The following FHAD1 variants were observed in gnomAD, a reference collection of about 807,000 sequenced individuals.
The protein encoded by FHAD1 is forkhead associated phosphopeptide binding domain 1, also known as forkhead-associated domain-containing protein 1.
FHAD1 carries 146 observed loss-of-function variants against 191.3 expected under a neutral mutation model. The observed-to-expected ratio is 0.76, with a 90% CI of 0.67 to 0.88. The LOEUF (loss-of-function observed/expected upper bound fraction) is 0.88, where lower values mean the gene tolerates loss of function less well. FHAD1 is among the 40% of genes least tolerant of loss of function. FHAD1 has a pLI of 0.00. For missense variants in FHAD1, 1,635 were observed against 1,785.8 expected, an observed-to-expected ratio of 0.92 and a Z score of 1.52; for synonymous variants, 616 against 672.3, an observed-to-expected ratio of 0.92 and a Z score of 1.29.
In FHAD1 at chr1:15,375,636, A is replaced by C; in HGVS notation, c.3611A>C (p.Asp1204Ala). ...GACCACCAGAATGAATCATTTCTAG[A>C]TTTAAAGAACCTCAGAATGGAAAAC... ...HKDHQNESFL[D>A]LKNLRMENNV... Residue 1204 changes from aspartate to alanine, a missense_variant, in exon 28 of 34, where the codon GAT becomes GCT. By Grantham distance (126) the Asp-to-Ala change is moderately radical. Transcript: ENST00000688493. 6.5e-7 allele frequency: 1 copy of C among 1,543,926 alleles called. No individual in the cohort carries two copies. Among genetic ancestry groups the C allele is most frequent in the South Asian group, 1.2e-5 (1 of 82,338 alleles).
At chr1:15,313,543 A>G (rs1672970855) in intron 8 of FHAD1, among the ~76,000 whole-genome samples, 1 of 152,178 alleles carries the variant, frequency 6.6e-6, no homozygotes, top group South Asian at 2.1e-4. Context: ...CAGCTTGGCT[A>G]TTTCCATGGC....
intron 3 of FHAD1, among the ~76,000 whole-genome samples, chr1:15,280,284 C>T (rs939339961): frequency 6.6e-6 from 1 of 152,170 alleles, no homozygotes; most frequent in African/African-American, 2.4e-5. Context: ...CCATCCCGAT[C>T]GTGTAGTATT....
At chr1:15,252,311 A>G (rs565146168) in intron 2 of FHAD1, among the ~76,000 whole-genome samples, 2 of 152,336 alleles carry the variant, frequency 1.3e-5, no homozygotes, top group African/African-American at 4.8e-5. Flanking sequence ...AGAGAGCAGC[A>G]GCTCAGGGCA....
chr1:15,306,099 C>T (rs113058898), intron 6 of FHAD1, among the ~76,000 whole-genome samples: 3,055 of 152,210 alleles, frequency 0.02, 77 homozygotes, highest in African/African-American at 0.059. Context: ...ATAATAAGGC[C>T]CAGGCTGAGG....
rs185884634 is a variant in FHAD1, at chr1:15,308,490, T to C, written c.916-123T>C. 3.4e-3 allele frequency: 4,579 copies of C among 1,356,514 alleles called. 6 individuals are homozygous for C. The highest frequency in any genetic ancestry group is 3.9e-3 in the Non-Finnish European group (3,909 of 1,007,910). The allele number at this position is 1,356,514 out of a possible 1,614,324, so 84.0% of individuals were successfully genotyped here. On this transcript the variant is annotated intron_variant, in intron 6 of 33. Coordinates refer to ENST00000688493, the MANE Select transcript of FHAD1 (RefSeq NM_001391957.1). Reference sequence around the variant, plus strand: ...CTTCCACTGGTTAAAACTAAAAAGCTTGGTTTCCCCAACACCCCAGCCAAA... The same window carrying C: ...CTTCCACTGGTTAAAACTAAAAAGCCTGGTTTCCCCAACACCCCAGCCAAA...
chr1:15,346,113 C>T (rs1688834557), intron 18 of FHAD1, among the ~76,000 whole-genome samples: 1 of 152,118 alleles, frequency 6.6e-6, no homozygotes, highest in South Asian at 2.1e-4. Flanking sequence ...ACAGGGGCGC[C>T]CGCACCCTGT....
chr1:15,348,680 G>T (rs554358546), intron 18 of FHAD1, among the ~76,000 whole-genome samples: 1 of 152,142 alleles, frequency 6.6e-6, no homozygotes, highest in African/African-American at 2.4e-5. Context: ...GCCTGGCCTC[G>T]TGATAGGAAG....
intron 11 of FHAD1, chr1:15,324,796 G>A (rs575709893): frequency 3.5e-5 from 18 of 511,022 alleles, no homozygotes; most frequent in East Asian, 3.5e-4. Context: ...CCCGAGACCC[G>A]GACCAGGCAG....
At chr1:15,376,057 ATTTATTTATTTATTTATTTATTTT>A (rs1179982041) in intron 28 of FHAD1, among the ~76,000 whole-genome samples, 4 of 79,420 alleles carry the variant, frequency 5.0e-5, no homozygotes, top group Non-Finnish European at 1.0e-4. Flanking sequence ...TTATTTATTT[ATTTATTTATTTATTTATTTATTTT>A]TTTATTTATT....
chr1:15,295,375 G>C (rs1302841381), intron 4 of FHAD1, among the ~76,000 whole-genome samples: 1 of 152,184 alleles, frequency 6.6e-6, no homozygotes, highest in Admixed American at 6.5e-5. Context: ...TTGGGAGGCT[G>C]AGACAGGAGG....
chr1:15,286,494 G>A (rs1662468474), intron 3 of FHAD1, among the ~76,000 whole-genome samples: 1 of 152,092 alleles, frequency 6.6e-6, no homozygotes, highest in South Asian at 2.1e-4. Flanking sequence ...AGAGTGAGAC[G>A]CTGTTTCAAA....
chr1:15,316,534 T>C lies in FHAD1; in HGVS notation c.1260+67T>C. The C allele has an allele frequency of 3.8e-6, 5 of 1,322,578 alleles. No individual in the cohort carries two copies. In the South Asian group the frequency reaches 6.3e-5, roughly 17 times the overall value. 81.9% of individuals were successfully genotyped at this position (1,322,578 alleles called of 1,614,324 possible). A position where few individuals can be genotyped will look rare whatever the true frequency, so the allele number is the denominator to read the frequency against. ...CAGAGTTTGACCTTGAGGTTCTTGG[T>C]GGGATCCTGGGCCATCACTAAGCAT... On this transcript the variant is annotated intron_variant, in intron 9 of 33. Coordinates refer to ENST00000688493, the MANE Select transcript of FHAD1 (RefSeq NM_001391957.1). This position sits in a 1 kb window ranked among gnomAD's most constrained non-coding sequence, Gnocchi z 4.3.
chr1:15,238,165 T>A (rs1644982007), intron 1 of FHAD1, among the ~76,000 whole-genome samples: 1 of 142,492 alleles, frequency 7.0e-6, no homozygotes. Flanking sequence ...GAGAATTGCT[T>A]GAACCCGGGA....
intron 22 of FHAD1, among the ~76,000 whole-genome samples, chr1:15,361,356 C>T (rs1694753800): frequency 6.6e-6 from 1 of 152,172 alleles, no homozygotes; most frequent in African/African-American, 2.4e-5. Context: ...CCATCAGTTG[C>T]CAGTGGCACC....
chr1:15,359,327 G>C (rs1693891457), intron 21 of FHAD1, among the ~76,000 whole-genome samples: 1 of 152,184 alleles, frequency 6.6e-6, no homozygotes, highest in Non-Finnish European at 1.5e-5. Context: ...GCAGGCATGT[G>C]TGAGTGTCTC....
At chr1:15,293,090 C>G (rs1337355189) in intron 4 of FHAD1, among the ~76,000 whole-genome samples, 1 of 152,146 alleles carries the variant, frequency 6.6e-6, no homozygotes, top group African/African-American at 2.4e-5. Flanking sequence ...CAAGAATCAC[C>G]AGGGTCATCT....
At chr1:15,249,261 C>A (rs1240817325) in intron 1 of FHAD1, among the ~76,000 whole-genome samples, 2 of 150,078 alleles carry the variant, frequency 1.3e-5, no homozygotes, top group African/African-American at 4.9e-5. Context: ...CCGCAAGGCA[C>A]CAGCTGTGGA....
downstream of FHAD1, among the ~76,000 whole-genome samples, chr1:15,401,578 A>G (rs929556030): frequency 6.6e-6 from 1 of 152,216 alleles, no homozygotes; most frequent in Non-Finnish European, 1.5e-5. Flanking sequence ...CAGCATCACC[A>G]TCGCCTGCTG....
Position 15,374,508 on chromosome 1 carries a change from T to C in FHAD1, c.3454T>C (p.Ser1152Pro). ...CGCCCCATTCTGCCCACAGCAGCAA[T>C]CCTTCAGCGATCTAGGGGTCAGGTG... ...EAFSSSQEQQ[S>P]FSDLGVRCKG... Residue 1152 changes from serine (S) to proline (P), a missense_variant, in exon 27 of 34, where the codon TCC (serine) becomes CCC (proline). By Grantham distance (74) the Ser-to-Pro change is moderately conservative. Coordinates refer to ENST00000688493, the MANE Select transcript of FHAD1 (RefSeq NM_001391957.1). 6.4e-7 allele frequency: 1 copy of C among 1,551,824 alleles called. No homozygotes were observed. Among genetic ancestry groups the C allele is most frequent in the Non-Finnish European group, 8.7e-7 (1 of 1,147,018 alleles).
Sources: gnomAD v4.1 joint callset for allele counts (sites outside exome capture counted in the v4.1 genomes callset) on GRCh38, gnomAD v4.1.1 for gene constraint, Gnocchi (gnomAD v3.1) non-coding constraint, MANE v1.5 for transcripts, NCBI Gene and HGNC (gene_info 2026-07-23, HGNC 2026-07-21) for gene names.